Variants in LHX8 observed in about 807,000 individuals in gnomAD.
LHX8 encodes LIM/homeobox protein Lhx8.
A neutral mutation model predicts 40.3 loss-of-function variants in LHX8; 12 were observed. That is an observed-to-expected ratio of 0.30 (90% CI 0.19 to 0.48). The LOEUF (loss-of-function observed/expected upper bound fraction) is 0.48, where lower values mean the gene tolerates loss of function less well. Among genes scored for constraint, LHX8 ranks in the 20% least tolerant of loss-of-function variants. The pLI, the probability that LHX8 is intolerant of heterozygous loss-of-function variation, is 0.99. For missense variants in LHX8, 344 were observed against 433.7 expected, an observed-to-expected ratio of 0.79 and a Z score of 1.84; for synonymous variants, 179 against 162.0, an observed-to-expected ratio of 1.10 and a Z score of -0.80.
At chr1:75,174,891 C>T in the LHX8 span, among the ~76,000 whole-genome samples, 14 of 151,628 alleles carry the variant, frequency 9.2e-5, 1 homozygote, top group African/African-American at 2.7e-4. Flanking sequence ...GTGGTGATTT[C>T]GGAGATTTTG....
the LHX8 span, among the ~76,000 whole-genome samples, chr1:75,180,071 A>G: frequency 1.3e-5 from 2 of 152,272 alleles, no homozygotes; most frequent in Middle Eastern, 3.4e-3. Flanking sequence ...TGTTAGTCTG[A>G]TAGCCTTCCC....
At chr1:75,161,669 C>CAG (rs1648922931), downstream of LHX8, 1 of 143,094 alleles carries the variant, frequency 7.0e-6, no homozygotes, top group South Asian at 2.2e-4. Context: ...ACATATTATT[C>CAG]AAAAAAAAAA....
At chr1:75,155,576 G>C (rs1263068896) in intron 7 of LHX8, among the ~76,000 whole-genome samples, 1 of 152,118 alleles carries the variant, frequency 6.6e-6, no homozygotes, top group African/African-American at 2.4e-5. Flanking sequence ...TCACCTGTCA[G>C]GGAATTCAAA....
intron 3 of LHX8, among the ~76,000 whole-genome samples, chr1:75,140,638 C>A (rs893523963): frequency 2.6e-5 from 4 of 151,992 alleles, no homozygotes; most frequent in Non-Finnish European, 4.4e-5. Context: ...ACAAAAAAAA[C>A]CTGTATGTAG....
At chr1:75,141,892 C>G (rs1648322834) in intron 4 of LHX8, among the ~76,000 whole-genome samples, 1 of 151,934 alleles carries the variant, frequency 6.6e-6, no homozygotes, top group African/African-American at 2.4e-5. Flanking sequence ...GGCTGTAATA[C>G]TAATTTTGTA....
upstream of LHX8, among the ~76,000 whole-genome samples, chr1:75,133,563 C>G (rs1033547152): frequency 6.6e-6 from 1 of 152,106 alleles, no homozygotes; most frequent in East Asian, 1.9e-4. Context: ...TAAATGGAAA[C>G]AAAAATCATT....
Position 75,160,929 on chromosome 1 carries a change from T to G in LHX8, c.*34T>G, listed in dbSNP as rs41306167. ...TCAGGGATAGACTTGATTAAGGATA[T>G]AAATTTGTCATTTATTATGTATAAA... On this transcript the variant is annotated 3_prime_UTR_variant, in exon 9 of 9. Coordinates refer to ENST00000356261, the MANE Select transcript of LHX8 (RefSeq NM_001256114.2). The G allele has an allele frequency of 7.6e-6, 11 of 1,449,614 alleles. No individual in the cohort carries two copies. The highest frequency in any genetic ancestry group is 1.1e-5 in the Non-Finnish European group (11 of 1,030,216). 89.8% of individuals were successfully genotyped at this position (1,449,614 alleles called of 1,614,324 possible). A position where few individuals can be genotyped will look rare whatever the true frequency, so the allele number is the denominator to read the frequency against.
intron 6 of LHX8, among the ~76,000 whole-genome samples, chr1:75,144,868 G>A (rs955696194): frequency 4.6e-5 from 7 of 151,990 alleles, no homozygotes; most frequent in Middle Eastern, 3.2e-3. Context: ...TAACTTTTTC[G>A]AAAATCACGT....
chr1:75,129,903 T>TTCTCTC (rs34526969), upstream of LHX8: 2 of 150,646 alleles, frequency 1.3e-5, no homozygotes, highest in African/African-American at 4.9e-5. Context: ...GAGAGTTGGA[T>TTCTCTC]TCTCTCTCTC....
At chr1:75,128,996 G>T (rs1223410335) in intron 1 of LHX8, among the ~76,000 whole-genome samples, 1 of 152,136 alleles carries the variant, frequency 6.6e-6, no homozygotes, top group African/African-American at 2.4e-5. Flanking sequence ...TTGGGCCTTT[G>T]GTGGCTCCTC....
At chr1:75,158,270 T>C (rs1648823909) in intron 8 of LHX8, among the ~76,000 whole-genome samples, 1 of 152,236 alleles carries the variant, frequency 6.6e-6, no homozygotes, top group African/African-American at 2.4e-5. Flanking sequence ...AATTTCTTCA[T>C]GTAATCTGCA....
At chr1:75,148,885 C>T (rs1458954833) in intron 7 of LHX8, among the ~76,000 whole-genome samples, 1 of 152,078 alleles carries the variant, frequency 6.6e-6, no homozygotes, top group Non-Finnish European at 1.5e-5. Flanking sequence ...ACAAAAAGTT[C>T]TAATTCTGGG....
chr1:75,177,636 T>C, the LHX8 span, among the ~76,000 whole-genome samples: 1 of 152,202 alleles, frequency 6.6e-6, no homozygotes, highest in African/African-American at 2.4e-5. Context: ...ACAATTTTAC[T>C]TCCTCTTTTC....
the LHX8 span, among the ~76,000 whole-genome samples, chr1:75,195,221 G>T: frequency 2.0e-5 from 3 of 152,090 alleles, no homozygotes; most frequent in Non-Finnish European, 4.4e-5. Context: ...ATTCCCAGAG[G>T]CAGGTGTTGT....
downstream of LHX8, among the ~76,000 whole-genome samples, chr1:75,164,380 C>T (rs1258784161): frequency 1.3e-5 from 2 of 152,284 alleles, no homozygotes; most frequent in East Asian, 3.9e-4. Context: ...ATCTTAACCA[C>T]TATGCTATAC....
the LHX8 span, among the ~76,000 whole-genome samples, chr1:75,196,328 A>G: frequency 6.6e-6 from 1 of 152,120 alleles, no homozygotes; most frequent in African/African-American, 2.4e-5. Context: ...CTGCATGGAT[A>G]TTAAGTATAG....
chr1:75,138,880 A>G (rs1235177410), intron 3 of LHX8, among the ~76,000 whole-genome samples: 1 of 152,154 alleles, frequency 6.6e-6, no homozygotes, highest in Non-Finnish European at 1.5e-5. Flanking sequence ...AGTCCTCCCA[A>G]TGAAGCCTTC....
rs140847718 is a variant in LHX8 at position 75,136,674 on chromosome 1, C to T, written c.60C>T (p.Ala20=). Residue 20 remains alanine (A), a synonymous_variant, in exon 2 of 9, where the codon GCC becomes GCT. Transcript: ENST00000356261. ...CGGCCGGGAGGACTCGCAAAGGCGC[C>T]GGGGAAGAGGGACTGGTGAGTGCGG... ...ALAAGRTRKG[A]GEEGLVSPEG... is the part of the protein sequence containing the mutation. 1.8e-5 allele frequency: 28 copies of T among 1,546,546 alleles called. No homozygotes were observed. The African/African-American group carries it at 2.9e-4, about 16-fold the overall frequency.
At chr1:75,178,260 T>G in the LHX8 span, among the ~76,000 whole-genome samples, 1 of 152,082 alleles carries the variant, frequency 6.6e-6, no homozygotes, top group South Asian at 2.1e-4. Flanking sequence ...ACCAGCTCCT[T>G]TTTGTAACTC....
Sources: allele counts gnomAD v4.1 joint callset (sites outside exome capture counted in the v4.1 genomes callset), GRCh38; gene constraint gnomAD v4.1.1; transcripts MANE v1.5; gene names NCBI Gene and HGNC (gene_info 2026-07-23, HGNC 2026-07-21).